The following TMPRSS9 variants were observed in gnomAD, a reference collection of about 807,000 sequenced individuals.
The protein encoded by TMPRSS9 is transmembrane protease serine 9.
In TMPRSS9, 113 loss-of-function variants were observed where a neutral mutation model predicts 111.4. The ratio of observed to expected loss-of-function variants is 1.01; its 90% CI spans 0.87 to 1.19. The LOEUF (loss-of-function observed/expected upper bound fraction) is 1.19. Among genes scored for constraint, TMPRSS9 ranks in the 50% most tolerant of loss-of-function variants. The pLI, the probability that TMPRSS9 is intolerant of heterozygous loss-of-function variation, is 0.00. For synonymous variants in TMPRSS9, 805 were observed against 659.1 expected, an observed-to-expected ratio of 1.22 and a Z score of -3.39; for missense variants, 1,803 against 1,513.1, an observed-to-expected ratio of 1.19 and a Z score of -3.18.
At position 2,361,749 on chromosome 19, in the gene TMPRSS9, C is replaced by T. The variant is rs536375381; in HGVS notation, c.-26+1389C>T. Among the ~76,000 whole-genome samples the T allele has an allele frequency of 7.2e-5, 11 of 152,298 alleles. No homozygotes were observed. In the South Asian group the frequency reaches 1.0e-3, roughly 14 times the overall value. ...TTTTATAGGGGGTCAAACCAGGCCT[C>T]GGACCCAGGCATGGGCTCCAGAGGT... On this transcript the variant is annotated intron_variant, in intron 1 of 17. Coordinates refer to the TMPRSS9 transcript ENST00000649857.
chr19:2,424,203 G>A (rs757966381), exon 15 of TMPRSS9: 4 of 1,452,330 alleles, frequency 2.8e-6, no homozygotes, highest in East Asian at 5.4e-5. Flanking sequence ...CACCGTTGCG[G>A]GGCCGTGCTG....
chr19:2,399,820 C>G (rs1482815193), intron 4 of TMPRSS9, among the ~76,000 whole-genome samples: 2 of 152,052 alleles, frequency 1.3e-5, no homozygotes, highest in Non-Finnish European at 1.5e-5. Context: ...CAGGTTCAAG[C>G]AATTTTCCTG....
chr19:2,395,198 A>T (rs34979650), intron 1 of TMPRSS9, among the ~76,000 whole-genome samples: 82,856 of 151,940 alleles, frequency 0.55, 24,929 homozygotes, highest in Middle Eastern at 0.71. Context: ...CGGGTGGATC[A>T]CCTGAGGTCA....
chr19:2,370,420 CAAA>C (rs1307653420), intron 1 of TMPRSS9, among the ~76,000 whole-genome samples: 1,492 of 71,030 alleles, frequency 0.021, 25 homozygotes, highest in African/African-American at 0.054. Context: ...GACTCTGTCT[CAAA>C]AAAAAAAAAA....
chr19:2,370,606 G>C (rs1568465881), intron 1 of TMPRSS9, among the ~76,000 whole-genome samples: 1 of 152,102 alleles, frequency 6.6e-6, no homozygotes, highest in African/African-American at 2.4e-5. Context: ...TGGGATTACA[G>C]GCGTGAGCCA....
exon 14 of TMPRSS9, chr19:2,422,108 C>T (rs1405794772): frequency 6.2e-7 from 1 of 1,603,078 alleles, no homozygotes; most frequent in Non-Finnish European, 8.5e-7. Flanking sequence ...GGGCCACACC[C>T]AGCAGACCCA....
chr19:2,411,772 G>A (rs149310129), intron 9 of TMPRSS9, among the ~76,000 whole-genome samples: 6,383 of 152,156 alleles, frequency 0.042, 156 homozygotes, highest in Non-Finnish European at 0.049. Context: ...GGCTGGTCTC[G>A]AAATCCTGGC....
chr19:2,405,420 C>T lies in TMPRSS9; in HGVS notation c.717C>T (p.Gly239=), dbSNP rs773116870. The change falls in exon 7 of 18, where the codon GGC becomes GGT. Residue 239 remains glycine, a synonymous_variant. Transcript: ENST00000648592. The stretch of plus-strand genomic sequence containing the variant: ...GGAGGATGGCCGGCAGGATCGTGGG[C>T]GGCATGGAAGCATCCCCGGGGGAGT... The T allele has an allele frequency of 4.8e-5, 77 of 1,606,560 alleles. 1 individual carries two copies. The highest frequency in any genetic ancestry group is 3.2e-4 in the African/African-American group (24 of 74,404).
rs189293591 is a variant in TMPRSS9 at position 2,382,871 on chromosome 19, A to G, written c.-25-6890A>G. 4.6e-5 allele frequency among the ~76,000 whole-genome samples: 7 copies of G among 152,246 alleles called. No individual in the cohort carries two copies. The East Asian group carries it at 1.4e-3, about 29-fold the overall frequency. On this transcript the variant is annotated intron_variant, in intron 1 of 17. Coordinates refer to the TMPRSS9 transcript ENST00000649857. ...TTGGCTCATACCATTGAGGGGCTGC[A>G]GGTCTGGAATCTGCAGGGCAGGCCA... is the stretch of plus-strand genomic sequence containing the variant.
rs1177712521 is a variant in TMPRSS9 at position 2,403,118 on chromosome 19, GC to G, written c.595del (p.Gln199SerfsTer3). On this transcript the variant is annotated frameshift_variant, in exon 6 of 18. Coordinates refer to ENST00000648592, the Ensembl canonical transcript of TMPRSS9. LOFTEE classifies it high-confidence loss of function. ...GGGAACTCCTTTTCCTGCGGGAACAGCCAGTGTGTGACCAAGGTGAACCCGG... is the reference window on the plus strand; with the variant it reads ...GGGAACTCCTTTTCCTGCGGGAACAGCAGTGTGTGACCAAGGTGAACCCGG... 6.2e-7 allele frequency: 1 copy of G among 1,612,542 alleles called. No homozygotes were observed. The highest frequency in any genetic ancestry group is 1.7e-5 in the Admixed American group (1 of 59,848).
intron 9 of TMPRSS9, among the ~76,000 whole-genome samples, chr19:2,411,400 C>CTTTTT (rs571815184): frequency 2.0e-5 from 2 of 100,678 alleles, no homozygotes; most frequent in Non-Finnish European, 3.9e-5. Context: ...TCTTCTTCTT[C>CTTTTT]TTTTTTTTTT....
At chr19:2,395,500 G>A (rs1327526572) in intron 1 of TMPRSS9, among the ~76,000 whole-genome samples, 2 of 152,098 alleles carry the variant, frequency 1.3e-5, no homozygotes, top group African/African-American at 4.8e-5. Flanking sequence ...GCCAAGGCTG[G>A]CGGATCATCT....
At chr19:2,408,628 T>A (rs1159097229) in exon 8 of TMPRSS9, 1 of 1,607,912 alleles carries the variant, frequency 6.2e-7, no homozygotes, top group East Asian at 2.2e-5. Flanking sequence ...AAGGAGGACT[T>A]CCGTAAGCAT....
chr19:2,405,282 T>C lies in TMPRSS9; in HGVS notation c.671-92T>C. 9 of 1,452,842 alleles carry C rather than the reference T, an allele frequency of 6.2e-6. No homozygotes were observed. In the South Asian group the frequency reaches 1.1e-4, roughly 18 times the overall value. The allele number at this position is 1,452,842 out of a possible 1,614,324, so 90.0% of individuals were successfully genotyped here. Reference sequence around the variant, plus strand: ...CAAGCATCTCTTTGAACTTAGGGACTGTAGACGAGAGACTCAGAGATGCAT... The same window carrying C: ...CAAGCATCTCTTTGAACTTAGGGACCGTAGACGAGAGACTCAGAGATGCAT... On this transcript the variant is annotated intron_variant, in intron 6 of 17. Transcript: ENST00000648592.
At chr19:2,396,654 C>T (rs1273273627) in exon 2 of TMPRSS9, 2 of 1,608,686 alleles carry the variant, frequency 1.2e-6, no homozygotes, top group Non-Finnish European at 1.7e-6. Flanking sequence ...TGACGCCCAC[C>T]CTGGAGGCAC....
At chr19:2,419,567 A>T (rs1158682252) in intron 13 of TMPRSS9, among the ~76,000 whole-genome samples, 1 of 145,782 alleles carries the variant, frequency 6.9e-6, no homozygotes, top group Admixed American at 6.9e-5. Context: ...CCCAGGCTGG[A>T]GTGTAGTGGC....
At chr19:2,386,746 C>A (rs1970484789), upstream of TMPRSS9, among the ~76,000 whole-genome samples, 1 of 152,198 alleles carries the variant, frequency 6.6e-6, no homozygotes, top group Non-Finnish European at 1.5e-5. Context: ...CATCCCAGCA[C>A]TTTGGGAGGC....
rs1045284105 is a variant in TMPRSS9, at chr19:2,396,363, G to A, written c.143-176G>A. On this transcript the variant is annotated intron_variant, in intron 1 of 17. Coordinates refer to ENST00000648592, the Ensembl canonical transcript of TMPRSS9. ...ACCAGGATGCTTTTGGGAATTGAGG[G>A]AGAGCCCTGTGAGTAGCTATTCAGG... 11 of 676,242 alleles carry A rather than the reference G, an allele frequency of 1.6e-5. No homozygotes were observed. The African/African-American group carries it at 1.9e-4, about 11-fold the overall frequency. 41.9% of individuals were successfully genotyped at this position (676,242 alleles called of 1,614,324 possible).
rs1295391319 is a variant in TMPRSS9 at position 2,417,956 on chromosome 19, C to G, written c.2018-46C>G. On this transcript the variant is annotated intron_variant, in intron 12 of 17. Coordinates refer to ENST00000648592, the Ensembl canonical transcript of TMPRSS9. ...TTATCGGAGCGGAACTGGAGCTGCTCTGATGATCACTGTGCACGTGGCCTT... is the reference window on the plus strand; with the variant it reads ...TTATCGGAGCGGAACTGGAGCTGCTGTGATGATCACTGTGCACGTGGCCTT... 11 of 1,609,046 alleles carry G rather than the reference C, an allele frequency of 6.8e-6. No individual in the cohort carries two copies. The Admixed American group carries it at 1.5e-4, about 22-fold the overall frequency.
Sources: gnomAD v4.1 joint callset for allele counts (sites outside exome capture counted in the v4.1 genomes callset) on GRCh38, gnomAD v4.1.1 for gene constraint, MANE v1.5 for transcripts, NCBI Gene and HGNC (gene_info 2026-07-23, HGNC 2026-07-21) for gene names.